Variants in DIPK2B observed in about 807,000 individuals in gnomAD.
DIPK2B encodes divergent protein kinase domain 2B.
In DIPK2B, 15 loss-of-function variants were observed where a neutral mutation model predicts 22.2. The ratio of observed to expected loss-of-function variants is 0.68; its 90% confidence interval spans 0.45 to 1.04. The LOEUF (loss-of-function observed/expected upper bound fraction) is 1.04. Among genes scored for constraint, DIPK2B ranks in the 50% least tolerant of loss-of-function variants. The probability of loss-of-function intolerance (pLI) is 0.00; values close to 1 mark genes in which losing one functional copy is unlikely to be tolerated. For missense variants in DIPK2B, 345 were observed against 348.3 expected, an observed-to-expected ratio of 0.99 and a Z score of 0.08; for synonymous variants, 163 against 153.2, an observed-to-expected ratio of 1.06 and a Z score of -0.47.
Position 45,151,939 on chromosome X carries a change from C to T in DIPK2B, c.1015G>A (p.Val339Ile). Residue 339 changes from valine (V) to isoleucine (I), a missense_variant, in exon 5 of 5, where the codon GTT becomes ATT. Coordinates refer to ENST00000398000, the MANE Select transcript of DIPK2B (RefSeq NM_176819.4). ...GENKDIFSCL[V>I]SGCQAQLPSC... ...GGCAGCTGGGCCTGGCAGCCGGAAACCAGGCAGCTAAAAATGTCTTTATTC... is the reference window on the plus strand; with the variant it reads ...GGCAGCTGGGCCTGGCAGCCGGAAATCAGGCAGCTAAAAATGTCTTTATTC... 8.3e-7 allele frequency: 1 copy of T among 1,198,073 alleles called. No individual in the cohort carries two copies. Among genetic ancestry groups the T allele is most frequent in the Non-Finnish European group, 1.1e-6 (1 of 888,019 alleles).
chrX:45,167,819 G>A (rs904023056), intron 2 of DIPK2B, among the ~76,000 whole-genome samples: 1 of 111,732 alleles, frequency 8.9e-6, no homozygotes, highest in Non-Finnish European at 1.9e-5. Context: ...CGACTAGCTA[G>A]GATTACAGGC....
intron 2 of DIPK2B, among the ~76,000 whole-genome samples, chrX:45,165,357 A>G (rs775925897): frequency 1.8e-5 from 2 of 111,827 alleles, no homozygotes; most frequent in Non-Finnish European, 3.8e-5. Context: ...AGAAAACCAG[A>G]CAATCTTCAA....
At chrX:45,178,938 G>C (rs1415267326) in intron 2 of DIPK2B, among the ~76,000 whole-genome samples, 2 of 111,684 alleles carry the variant, frequency 1.8e-5, no homozygotes, top group East Asian at 5.6e-4. Flanking sequence ...TAGTAGTAAG[G>C]ATCATGCCTT....
At chrX:45,195,103 A>T (rs1031251299) in intron 1 of DIPK2B, among the ~76,000 whole-genome samples, 2 of 112,580 alleles carry the variant, frequency 1.8e-5, no homozygotes, top group Non-Finnish European at 3.7e-5. Context: ...ATTGCATTGA[A>T]TGGGAAAAAT....
Position 45,174,462 on chromosome X carries a change from A to G in DIPK2B, c.499-16574T>C, listed in dbSNP as rs12011332. ...AGTTCAATGCGGGGCAGAATATGAC[A>G]AATGCTATAAGAGATGTAAACAAGG... On this transcript the variant is annotated intron_variant, in intron 2 of 4. Transcript: ENST00000398000. Among the ~76,000 whole-genome samples the G allele has an allele frequency of 5.5e-3, 613 of 111,538 alleles. 4 individuals are homozygous for G. Among genetic ancestry groups the G allele is most frequent in the African/African-American group, 0.019 (579 of 30,637 alleles).
At chrX:45,162,447 A>G in intron 2 of DIPK2B, 1 of 753,718 alleles carries the variant, frequency 1.3e-6, no homozygotes, top group Non-Finnish European at 1.6e-6. Flanking sequence ...CCCTCCCTTT[A>G]TGATGGAGGC....
rs1307706649 is a variant in DIPK2B, at chrX:45,151,995, A to G, written c.962-3T>C. 1 of 1,161,284 alleles carries G rather than the reference A, an allele frequency of 8.6e-7. No individual in the cohort carries two copies. The highest frequency in any genetic ancestry group is 2.6e-5 in the Admixed American group (1 of 38,605). Reference sequence around the variant, plus strand: ...TGCCCTGTTGGCTTCTTGGCTGCCTAGAAAAGAAATGGGAAGTATTACACA... The same window carrying G: ...TGCCCTGTTGGCTTCTTGGCTGCCTGGAAAAGAAATGGGAAGTATTACACA... On this transcript the variant is annotated splice_polypyrimidine_tract_variant and splice_region_variant and intron_variant, in intron 4 of 4. Coordinates refer to ENST00000398000, the MANE Select transcript of DIPK2B (RefSeq NM_176819.4).
intron 2 of DIPK2B, among the ~76,000 whole-genome samples, chrX:45,185,082 G>C (rs762064747): frequency 8.9e-6 from 1 of 111,964 alleles, no homozygotes; most frequent in African/African-American, 3.2e-5. Flanking sequence ...TTGATATAGT[G>C]GTTAAGTTCT....
chrX:45,170,237 C>A (rs2047072934), intron 2 of DIPK2B, among the ~76,000 whole-genome samples: 1 of 84,557 alleles, frequency 1.2e-5, no homozygotes, highest in Non-Finnish European at 2.3e-5. Context: ...GAGCAAGACT[C>A]CGTCTCAAAA....
At chrX:45,168,780 T>C (rs1407992301) in intron 2 of DIPK2B, among the ~76,000 whole-genome samples, 1 of 112,153 alleles carries the variant, frequency 8.9e-6, no homozygotes, top group Non-Finnish European at 1.9e-5. Flanking sequence ...CTATCTTGTA[T>C]TCCCATCGGC....
chrX:45,169,804 A>G (rs1353972256), intron 2 of DIPK2B, among the ~76,000 whole-genome samples: 1 of 112,224 alleles, frequency 8.9e-6, no homozygotes, highest in Admixed American at 9.4e-5. Context: ...TGTGAAAAAT[A>G]TTTGGGAAAC....
At chrX:45,181,809 A>G (rs1367898814) in intron 2 of DIPK2B, among the ~76,000 whole-genome samples, 1 of 112,232 alleles carries the variant, frequency 8.9e-6, no homozygotes, top group Non-Finnish European at 1.9e-5. Flanking sequence ...AAAAGTGCTA[A>G]CCATAAAATA....
chrX:45,161,712 A>G (rs1283211863), intron 2 of DIPK2B, among the ~76,000 whole-genome samples: 1 of 112,203 alleles, frequency 8.9e-6, no homozygotes, highest in Non-Finnish European at 1.9e-5. Flanking sequence ...AGATTTGAAG[A>G]TATTTGTTGG....
chrX:45,195,895 A>G (rs1022255919), intron 1 of DIPK2B, among the ~76,000 whole-genome samples: 2 of 111,927 alleles, frequency 1.8e-5, no homozygotes, highest in African/African-American at 3.3e-5. Context: ...GAAAATCCCA[A>G]TGTAGCCCTT....
rs1429708371 is a variant in DIPK2B at position 45,175,714 on chromosome X, T to C, written c.498+16037A>G. ...AAGTATACATACATATATGTGTGTA[T>C]ATGTACATATATGTATGTATACTTT... On this transcript the variant is annotated intron_variant, in intron 2 of 4. Transcript: ENST00000398000. Among the ~76,000 whole-genome samples the C allele has an allele frequency of 1.4e-3, 139 of 101,615 alleles. 2 individuals carry two copies. The highest frequency in any genetic ancestry group is 8.6e-4 in the Non-Finnish European group (43 of 49,955). 88.2% of individuals were successfully genotyped at this position (101,615 alleles called of 115,157 possible). A position where few individuals can be genotyped will look rare whatever the true frequency, so the allele number is the denominator to read the frequency against.
rs563210534 is a variant in DIPK2B at position 45,148,593 on chromosome X, T to G, written c.*3059A>C. The G allele has an allele frequency of 5.0e-4, 55 of 109,238 alleles. 1 individual carries two copies. Among genetic ancestry groups the G allele is most frequent in the African/African-American group, 1.8e-3 (55 of 29,820 alleles). The allele number at this position is 109,238 out of a possible 1,213,427, so 9.0% of individuals were successfully genotyped here. On this transcript the variant is annotated 3_prime_UTR_variant, in exon 5 of 5. Transcript: ENST00000398000. ...TTAAACAACCACATCTTGAGTGAGCTCAGCGAGAACTCACTCATCACTTCC... is the reference window on the plus strand; with the variant it reads ...TTAAACAACCACATCTTGAGTGAGCGCAGCGAGAACTCACTCATCACTTCC...
At chrX:45,174,719 T>G (rs1370258823) in intron 2 of DIPK2B, among the ~76,000 whole-genome samples, 1 of 110,344 alleles carries the variant, frequency 9.1e-6, no homozygotes, top group East Asian at 2.8e-4. Context: ...ATTGGAAAAG[T>G]AGGTTGGGAG....
rs770926449 is a variant in DIPK2B at position 45,152,702 on chromosome X, G to A, written c.962-710C>T. 3.6e-5 allele frequency among the ~76,000 whole-genome samples: 4 copies of A among 111,636 alleles called. No homozygotes were observed. In the South Asian group the frequency reaches 1.5e-3, roughly 42 times the overall value. On this transcript the variant is annotated intron_variant, in intron 4 of 4. Transcript: ENST00000398000. ...TCCCAGCCCTTTGGGAGGCTGAGAT[G>A]GGTGGATCACCTGAGGTCAGGAGTT...
chrX:45,168,484 A>G (rs1415420229), intron 2 of DIPK2B, among the ~76,000 whole-genome samples: 4 of 112,526 alleles, frequency 3.6e-5, no homozygotes, highest in African/African-American at 9.7e-5. Context: ...GTAGGCCTAC[A>G]GTTTCTATGG....
Sources: gnomAD v4.1 joint callset for allele counts (sites outside exome capture counted in the v4.1 genomes callset) on GRCh38, gnomAD v4.1.1 for gene constraint, MANE v1.5 for transcripts, NCBI Gene and HGNC (gene_info 2026-07-23, HGNC 2026-07-21) for gene names.